Variants in LRRC7 observed in about 807,000 individuals in gnomAD.
LRRC7 encodes leucine rich repeat containing 7.
LRRC7 carries 23 observed loss-of-function variants against 175.7 expected under a neutral mutation model. The observed-to-expected ratio is 0.13, with a 90% CI of 0.09 to 0.19. The LOEUF (loss-of-function observed/expected upper bound fraction) is 0.19, where lower values mean the gene tolerates loss of function less well. Ranked by LOEUF, LRRC7 falls within the 10% of genes least tolerant of loss-of-function variation. The pLI is 1.00. For synonymous variants in LRRC7, 685 were observed against 680.9 expected (o/e 1.01, Z -0.09); for missense variants, 1,354 against 1,904.7 (o/e 0.71, Z 5.38).
chr1:69,970,842 A>G lies in LRRC7; in HGVS notation c.712-9537A>G, dbSNP rs367683506. ...ACATAATCAAAAAAGAAAACTACAAATCAATATCCCTGATGAACATAGATG... is the reference window on the plus strand; with the variant it reads ...ACATAATCAAAAAAGAAAACTACAAGTCAATATCCCTGATGAACATAGATG... On this transcript the variant is annotated intron_variant, in intron 8 of 26. Transcript: ENST00000651989. 2.6e-4 allele frequency among the ~76,000 whole-genome samples: 39 copies of G among 152,214 alleles called. No homozygotes were observed. In the East Asian group the frequency reaches 7.3e-3, roughly 29 times the overall value.
intron 7 of LRRC7, among the ~76,000 whole-genome samples, chr1:69,904,360 G>A (rs1245526680): frequency 6.6e-6 from 1 of 152,058 alleles, no homozygotes; most frequent in Non-Finnish European, 1.5e-5. Flanking sequence ...GTAATTAAAA[G>A]TAAAAGAAAC....
intron 3 of LRRC7, among the ~76,000 whole-genome samples, chr1:69,786,026 T>C (rs1350679971): frequency 6.6e-6 from 1 of 152,188 alleles, no homozygotes; most frequent in East Asian, 1.9e-4. Flanking sequence ...TTTGCAGGCT[T>C]GATTCTTTGT....
chr1:69,893,294 A>C (rs12034824), intron 7 of LRRC7, among the ~76,000 whole-genome samples: 21,711 of 152,180 alleles, frequency 0.14, 2,280 homozygotes, highest in African/African-American at 0.3. Flanking sequence ...CCTAAGATTC[A>C]AGATTGAAAA....
chr1:69,676,740 T>A (rs1659820129), intron 1 of LRRC7, among the ~76,000 whole-genome samples: 1 of 152,112 alleles, frequency 6.6e-6, no homozygotes, highest in African/African-American at 2.4e-5. Flanking sequence ...AGTATGGAAT[T>A]AAATCAGCAA....
intron 1 of LRRC7, among the ~76,000 whole-genome samples, chr1:69,663,746 G>T (rs1421303578): frequency 3.9e-4 from 43 of 110,374 alleles, no homozygotes; most frequent in Middle Eastern, 0.01. Flanking sequence ...ACGGAGTCTC[G>T]CTCTGTCGCC....
At chr1:69,790,019 A>G (rs1674931329) in intron 3 of LRRC7, among the ~76,000 whole-genome samples, 1 of 151,766 alleles carries the variant, frequency 6.6e-6, no homozygotes, top group African/African-American at 2.4e-5. Context: ...AGAAAAAAAG[A>G]CTCCTTAAAA....
chr1:70,108,575 T>C (rs545809046), intron 26 of LRRC7, among the ~76,000 whole-genome samples: 7 of 152,298 alleles, frequency 4.6e-5, no homozygotes, highest in Non-Finnish European at 1.5e-5. Flanking sequence ...CTCTTAAGCA[T>C]TATCGATGTA....
intron 22 of LRRC7, among the ~76,000 whole-genome samples, chr1:70,052,389 TAAA>T (rs1226954656): frequency 1.3e-5 from 2 of 152,022 alleles, no homozygotes; most frequent in Non-Finnish European, 2.9e-5. Flanking sequence ...TTTATATAAA[TAAA>T]TAAATTTGGT....
At chr1:69,885,402 G>A (rs1442800579) in intron 7 of LRRC7, among the ~76,000 whole-genome samples, 30 of 145,210 alleles carry the variant, frequency 2.1e-4, no homozygotes, top group Admixed American at 5.4e-4. Flanking sequence ...GTTTATTTGC[G>A]TAGAGGTGTT....
At position 69,873,755 on chromosome 1, in the gene LRRC7, C is replaced by A. The variant is rs948023952; in HGVS notation, c.647+35472C>A. ...GACATTTCTGACTAATATAGAGAGA[C>A]CTGATTTTTTTCCAAATGTGTTCAG... On this transcript the variant is annotated intron_variant, in intron 7 of 26. Transcript: ENST00000651989. 4 of 159,886 alleles carry A rather than the reference C, an allele frequency of 2.5e-5. No homozygotes were observed. The South Asian group carries it at 4.9e-4, about 20-fold the overall frequency. The allele number at this position is 159,886 out of a possible 1,614,324, so 9.9% of individuals were successfully genotyped here. A position where few individuals can be genotyped will look rare whatever the true frequency, so the allele number is the denominator to read the frequency against.
chr1:70,072,470 A>C (rs1216960009), intron 23 of LRRC7, among the ~76,000 whole-genome samples: 1 of 152,078 alleles, frequency 6.6e-6, no homozygotes, highest in African/African-American at 2.4e-5. Flanking sequence ...ATGTCTTGTC[A>C]TTTATGTTTG....
intron 1 of LRRC7, among the ~76,000 whole-genome samples, chr1:69,604,522 C>T (rs1053060601): frequency 6.6e-6 from 1 of 151,928 alleles, no homozygotes; most frequent in African/African-American, 2.4e-5. Flanking sequence ...TCACTAATAC[C>T]TTAACTTGAT....
intron 1 of LRRC7, chr1:69,607,517 CCTTATGCATCT>C (rs1647801538): frequency 1.3e-5 from 2 of 151,962 alleles, no homozygotes; most frequent in Admixed American, 1.3e-4. Context: ...ACTTTTTCTG[CCTTATGCATCT>C]CTAAGCTTAG....
chr1:70,124,013 C>T lies in LRRC7; in HGVS notation c.*2126C>T, dbSNP rs1363079928. On this transcript the variant is annotated 3_prime_UTR_variant, in exon 27 of 27. Transcript: ENST00000651989. ...GGCTTCAGGAGATCCTTCTAAGACA[C>T]ACAGCTGAAAGGATCATAATCCTAG... Among the ~76,000 whole-genome samples the T allele has an allele frequency of 2.0e-5, 3 of 152,186 alleles. No homozygotes were observed. Among genetic ancestry groups the T allele is most frequent in the African/African-American group, 7.2e-5 (3 of 41,450 alleles).
At chr1:70,057,071 A>G (rs1661213265) in intron 23 of LRRC7, among the ~76,000 whole-genome samples, 1 of 152,156 alleles carries the variant, frequency 6.6e-6, no homozygotes, top group African/African-American at 2.4e-5. Flanking sequence ...GAAAGAAGTA[A>G]TGTACTAAAT....
chr1:69,845,497 T>C (rs931944127), intron 7 of LRRC7, among the ~76,000 whole-genome samples: 3 of 152,126 alleles, frequency 2.0e-5, no homozygotes, highest in Non-Finnish European at 2.9e-5. Flanking sequence ...TTATCTAAAA[T>C]ATAATAGATT....
rs147035395 is a variant in LRRC7, at chr1:70,076,145, G to T, written c.4299G>T (p.Pro1433=). The change falls in exon 24 of 27, where the codon CCG becomes CCT. Residue 1433 remains proline (P), a synonymous_variant. Transcript: ENST00000651989. ...SLQHRSREQQ[P]YEGNINKVTI... ...AGCATCGCAGCCGGGAGCAGCAGCC[G>T]TATGAAGGAAATATAAACAAAGTGA... 1.2e-6 allele frequency: 2 copies of T among 1,614,056 alleles called. No individual in the cohort carries two copies. The highest frequency in any genetic ancestry group is 1.7e-6 in the Non-Finnish European group (2 of 1,179,978).
intron 3 of LRRC7, among the ~76,000 whole-genome samples, chr1:69,785,265 A>T (rs143128839): frequency 7.2e-5 from 11 of 152,118 alleles, no homozygotes; most frequent in Non-Finnish European, 1.5e-4. Context: ...TTCCTGGTAA[A>T]CTGAAGTGAT....
At chr1:69,747,239 A>G (rs1271244798) in intron 2 of LRRC7, among the ~76,000 whole-genome samples, 1 of 152,162 alleles carries the variant, frequency 6.6e-6, no homozygotes, top group Non-Finnish European at 1.5e-5. Flanking sequence ...AAATTTTTCT[A>G]CGAAGTTAAT....
Sources: allele counts gnomAD v4.1 joint callset (sites outside exome capture counted in the v4.1 genomes callset), GRCh38; gene constraint gnomAD v4.1.1; transcripts MANE v1.5; gene names NCBI Gene and HGNC (gene_info 2026-07-23, HGNC 2026-07-21).